Variants in PRSS55 observed in about 807,000 individuals in gnomAD.
PRSS55 encodes serine protease 55, also known as probable serine protease UNQ9391/PRO34284.
PRSS55 carries 41 observed loss-of-function variants against 23.6 expected under a neutral mutation model. That is an observed-to-expected ratio of 1.74 (90% CI 1.35 to 2.26). The LOEUF is 2.26. Among genes scored for constraint, PRSS55 ranks in the 30% most tolerant of loss-of-function variants. The probability of loss-of-function intolerance (pLI) is 0.00; values close to 1 mark genes in which losing one functional copy is unlikely to be tolerated. For missense variants in PRSS55, 669 were observed against 439.1 expected, an observed-to-expected ratio of 1.52 and a Z score of -4.68; for synonymous variants, 262 against 175.5, an observed-to-expected ratio of 1.49 and a Z score of -3.90.
chr8:10,534,919 G>A (rs533997192), intron 4 of PRSS55, among the ~76,000 whole-genome samples: 1 of 152,050 alleles, frequency 6.6e-6, no homozygotes, highest in South Asian at 2.1e-4. Flanking sequence ...ATATACACCA[G>A]ACAACACACA....
At chr8:10,535,609 A>G (rs1382608205) in intron 4 of PRSS55, among the ~76,000 whole-genome samples, 1 of 152,254 alleles carries the variant, frequency 6.6e-6, no homozygotes, top group Non-Finnish European at 1.5e-5. Flanking sequence ...CAAAACTGTG[A>G]AAACACTAAA....
In PRSS55 at chr8:10,529,689, G is replaced by C. The variant is rs376437843; in HGVS notation, c.337G>C (p.Glu113Gln). ...ILTAAHCLYSEELFPEELSVV... is the reference protein window; with the variant it reads ...ILTAAHCLYSQELFPEELSVV... ...CACTGCGGCTCACTGCTTATATTCC[G>C]AGGAGCTGTTGTAAGTACCATGGGC... Residue 113 changes from glutamate (E) to glutamine (Q), a missense_variant, in exon 2 of 5, where the codon GAG becomes CAG. Transcript: ENST00000328655. 6.2e-7 allele frequency: 1 copy of C among 1,613,472 alleles called. No individual in the cohort carries two copies. Among genetic ancestry groups the C allele is most frequent in the South Asian group, 1.1e-5 (1 of 91,036 alleles).
intron 4 of PRSS55, among the ~76,000 whole-genome samples, chr8:10,551,759 G>A (rs1260909116): frequency 6.6e-6 from 1 of 152,312 alleles, no homozygotes; most frequent in East Asian, 1.9e-4. Context: ...CATCCTTTTA[G>A]TGGGGGCACA....
intron 4 of PRSS55, among the ~76,000 whole-genome samples, chr8:10,534,220 C>T (rs954352950): frequency 4.6e-5 from 7 of 152,110 alleles, no homozygotes; most frequent in African/African-American, 1.7e-4. Flanking sequence ...CCACTAAGTA[C>T]AACTAAAAGC....
At chr8:10,539,797 A>G (rs1472229628), downstream of PRSS55, among the ~76,000 whole-genome samples, 1 of 152,168 alleles carries the variant, frequency 6.6e-6, no homozygotes, top group Non-Finnish European at 1.5e-5. Context: ...GTGAGTCCAT[A>G]AACCTCTTTT....
chr8:10,547,518 G>C (rs1309651624), intron 4 of PRSS55: 1 of 153,024 alleles, frequency 6.5e-6, no homozygotes, highest in African/African-American at 2.4e-5. Flanking sequence ...TCAGCCTCCT[G>C]CCTTCCTCTT....
At chr8:10,530,807 T>C (rs1047456784) in intron 2 of PRSS55, among the ~76,000 whole-genome samples, 2 of 152,080 alleles carry the variant, frequency 1.3e-5, no homozygotes, top group African/African-American at 4.8e-5. Flanking sequence ...TCCTCTGGGG[T>C]TCGGAATGTG....
downstream of PRSS55, among the ~76,000 whole-genome samples, chr8:10,539,774 G>C (rs190633247): frequency 5.9e-5 from 9 of 152,316 alleles, no homozygotes; most frequent in East Asian, 1.7e-3. Flanking sequence ...GGCCTCTCCA[G>C]CTACATGGAA....
intron 1 of PRSS55, among the ~76,000 whole-genome samples, chr8:10,527,645 G>A (rs1337690385): frequency 6.6e-6 from 1 of 152,250 alleles, no homozygotes; most frequent in African/African-American, 2.4e-5. Flanking sequence ...GAGCCACATG[G>A]CGCAGTGGTG....
At chr8:10,538,998 C>T (rs928112897), downstream of PRSS55, among the ~76,000 whole-genome samples, 1 of 151,132 alleles carries the variant, frequency 6.6e-6, no homozygotes, top group African/African-American at 2.4e-5. Context: ...AGGTGACAGT[C>T]ACCTAATTCT....
downstream of PRSS55, among the ~76,000 whole-genome samples, chr8:10,542,607 T>C (rs568883978): frequency 1.3e-5 from 2 of 151,890 alleles, no homozygotes; most frequent in Admixed American, 6.6e-5. Context: ...CGGTGGCTCA[T>C]GTCTAATCCC....
chr8:10,532,693 A>G (rs1812311849), intron 3 of PRSS55, among the ~76,000 whole-genome samples: 1 of 152,150 alleles, frequency 6.6e-6, no homozygotes, highest in South Asian at 2.1e-4. Context: ...TTGGTTTTGA[A>G]TGAGAAGAAT....
intron 4 of PRSS55, among the ~76,000 whole-genome samples, chr8:10,546,068 A>T (rs1812810714): frequency 6.6e-6 from 1 of 152,058 alleles, no homozygotes; most frequent in Non-Finnish European, 1.5e-5. Context: ...AGGTCCAAGG[A>T]GCAAAGGCAG....
At chr8:10,533,514 G>T (rs1168380402) in intron 4 of PRSS55, among the ~76,000 whole-genome samples, 1 of 152,044 alleles carries the variant, frequency 6.6e-6, no homozygotes, top group African/African-American at 2.4e-5. Context: ...TAAAATATTG[G>T]GTGTTGCATG....
chr8:10,546,554 A>T (rs1812822656), intron 4 of PRSS55, among the ~76,000 whole-genome samples: 1 of 152,130 alleles, frequency 6.6e-6, no homozygotes, highest in Non-Finnish European at 1.5e-5. Flanking sequence ...AGGCAGCTCC[A>T]AAGCCTTAGA....
At chr8:10,551,588 G>C (rs534608237) in intron 4 of PRSS55, among the ~76,000 whole-genome samples, 1 of 152,214 alleles carries the variant, frequency 6.6e-6, no homozygotes. Context: ...TCTTGTGCGA[G>C]GTAGGGGCAC....
downstream of PRSS55, among the ~76,000 whole-genome samples, chr8:10,539,471 C>T (rs1473420785): frequency 6.6e-6 from 1 of 152,264 alleles, no homozygotes; most frequent in African/African-American, 2.4e-5. Flanking sequence ...CAACAGCTTA[C>T]TGTAACCCTT....
At chr8:10,548,493 G>C (rs1485190558) in intron 4 of PRSS55, among the ~76,000 whole-genome samples, 4 of 152,116 alleles carry the variant, frequency 2.6e-5, no homozygotes. Context: ...ATGGGCTGTG[G>C]CACCGCGGGG....
At chr8:10,540,669 C>G (rs1306373592), downstream of PRSS55, 1 of 152,112 alleles carries the variant, frequency 6.6e-6, no homozygotes, top group African/African-American at 2.4e-5. Context: ...GAGCGGAGAT[C>G]ACGCCACTGC....
Sources: gnomAD v4.1 joint callset for allele counts (sites outside exome capture counted in the v4.1 genomes callset) on GRCh38, gnomAD v4.1.1 for gene constraint, MANE v1.5 for transcripts, NCBI Gene and HGNC (gene_info 2026-07-23, HGNC 2026-07-21) for gene names.